CD72: variants seen among roughly 807,000 people sequenced by gnomAD.
CD72 encodes the protein CD72 molecule.
CD72 carries 28 observed loss-of-function variants against 50.7 expected under a neutral mutation model. The ratio of observed to expected loss-of-function variants is 0.55; its 90% CI spans 0.41 to 0.76. CD72 has a LOEUF of 0.76. Among genes scored for constraint, CD72 ranks in the 30% least tolerant of loss-of-function variants. The pLI is 0.00. For synonymous variants in CD72, 176 were observed against 171.2 expected (o/e 1.03, Z -0.22); for missense variants, 403 against 420.6 (o/e 0.96, Z 0.37).
intron 1 of CD72, among the ~76,000 whole-genome samples, chr9:35,631,723 T>A (rs1823248088): frequency 6.6e-6 from 1 of 151,994 alleles, no homozygotes; most frequent in Non-Finnish European, 1.5e-5. Flanking sequence ...TGAAACCCCG[T>A]CTCTACTAAA....
upstream of CD72, among the ~76,000 whole-genome samples, chr9:35,620,684 G>T (rs1049985877): frequency 1.4e-4 from 22 of 152,066 alleles, no homozygotes; most frequent in African/African-American, 5.3e-4. Flanking sequence ...TACAAAATTA[G>T]CTGAGAATGG....
chr9:35,631,300 C>T (rs1281422266), intron 1 of CD72, among the ~76,000 whole-genome samples: 1 of 152,030 alleles, frequency 6.6e-6, no homozygotes, highest in Non-Finnish European at 1.5e-5. Context: ...TTCAGATGAG[C>T]GTAACAATTC....
chr9:35,638,391 C>T (rs577866252), intron 1 of CD72, among the ~76,000 whole-genome samples: 3 of 152,240 alleles, frequency 2.0e-5, no homozygotes, highest in East Asian at 1.9e-4. Context: ...CGCTCCCCCA[C>T]CCTATAACCC....
At chr9:35,642,225 A>G (rs1036934224) in intron 1 of CD72, among the ~76,000 whole-genome samples, 11 of 152,192 alleles carry the variant, frequency 7.2e-5, no homozygotes, top group Non-Finnish European at 1.6e-4. Flanking sequence ...GTTGACAGTT[A>G]TGTTCTATCT....
intron 1 of CD72, among the ~76,000 whole-genome samples, chr9:35,641,884 T>C (rs1823343664): frequency 6.6e-6 from 1 of 152,210 alleles, no homozygotes; most frequent in Admixed American, 6.5e-5. Context: ...AGGTGTTTCC[T>C]TGGAAGTTAG....
At chr9:35,638,381 C>T (rs565313117) in intron 1 of CD72, among the ~76,000 whole-genome samples, 43 of 152,182 alleles carry the variant, frequency 2.8e-4, no homozygotes, top group Admixed American at 1.8e-3. Flanking sequence ...CTTCAGCCTC[C>T]GCTCCCCCAC....
chr9:35,624,869 G>C (rs1823181968), intron 1 of CD72, among the ~76,000 whole-genome samples: 1 of 152,134 alleles, frequency 6.6e-6, no homozygotes, highest in African/African-American at 2.4e-5. Flanking sequence ...TATTGTCATT[G>C]TTTTGGAGCA....
upstream of CD72, among the ~76,000 whole-genome samples, chr9:35,623,331 G>A (rs1189532741): frequency 6.8e-6 from 1 of 147,236 alleles, no homozygotes; most frequent in East Asian, 1.9e-4. Flanking sequence ...TTGGGAAACT[G>A]GACTCAGCAG....
intron 1 of CD72, among the ~76,000 whole-genome samples, chr9:35,629,791 G>A (rs540174611): frequency 1.1e-3 from 171 of 152,322 alleles, no homozygotes; most frequent in African/African-American, 3.8e-3. Context: ...TGCTACATGG[G>A]TATGCAAGCC....
At chr9:35,622,728 A>G (rs1243329538), upstream of CD72, among the ~76,000 whole-genome samples, 1 of 152,094 alleles carries the variant, frequency 6.6e-6, no homozygotes, top group Non-Finnish European at 1.5e-5. Flanking sequence ...CAGAGGTTGC[A>G]GTGAGCCAAG....
At chr9:35,612,389 A>G in intron 6 of CD72, among the ~76,000 whole-genome samples, 1 of 152,196 alleles carries the variant, frequency 6.6e-6, no homozygotes, top group East Asian at 1.9e-4. Flanking sequence ...GTTAGAGACC[A>G]GCCTGACCAA....
Position 35,634,144 on chromosome 9 carries a change from C to CT in CD72, n.408+12258dup, listed in dbSNP as rs1229785485. 9.9e-5 allele frequency among the ~76,000 whole-genome samples: 15 copies of CT among 151,722 alleles called. No individual in the cohort carries two copies. The East Asian group carries it at 2.9e-3, about 29-fold the overall frequency. On this transcript the variant is annotated intron_variant and non_coding_transcript_variant, in intron 1 of 3. Coordinates refer to the CD72 transcript ENST00000465754. ...TTTTTTTATATTGTTGTTAACTCTT[C>CT]TTTTTTTTAATCTTTGCTAGATTAA...
chr9:35,646,446 C>G (rs1344687479), exon 1 of CD72: 2 of 152,224 alleles, frequency 1.3e-5, no homozygotes, highest in Non-Finnish European at 2.9e-5. Context: ...ATTTGTGAGT[C>G]GATCAGCTAG....
chr9:35,637,665 G>A (rs2131788356), intron 1 of CD72, among the ~76,000 whole-genome samples: 1 of 152,320 alleles, frequency 6.6e-6, no homozygotes, highest in South Asian at 2.1e-4. Flanking sequence ...GACTCAGGAA[G>A]ACAGCCTTCC....
At chr9:35,629,705 A>G (rs1209573836) in intron 1 of CD72, among the ~76,000 whole-genome samples, 1 of 152,246 alleles carries the variant, frequency 6.6e-6, no homozygotes, top group Non-Finnish European at 1.5e-5. Flanking sequence ...AACCCAAGTC[A>G]GTCTCTGCCC....
At chr9:35,632,920 C>CAAAAAA (rs1823258866) in intron 1 of CD72, among the ~76,000 whole-genome samples, 2 of 146,834 alleles carry the variant, frequency 1.4e-5, no homozygotes, top group East Asian at 4.1e-4. Flanking sequence ...TTTATTTATC[C>CAAAAAA]TTTTTAGTTT....
intron 1 of CD72, among the ~76,000 whole-genome samples, chr9:35,634,362 T>C (rs1823271678): frequency 6.6e-6 from 1 of 152,204 alleles, no homozygotes; most frequent in Non-Finnish European, 1.5e-5. Flanking sequence ...GTAATCTTTT[T>C]TATTTTTGAG....
At chr9:35,616,964 G>A in intron 3 of CD72, 2 of 1,430,514 alleles carry the variant, frequency 1.4e-6, no homozygotes, top group Non-Finnish European at 1.8e-6. Context: ...AGGGGGGCAG[G>A]TAGGTGAATT....
chr9:35,623,532 T>C (rs2131775998), upstream of CD72, among the ~76,000 whole-genome samples: 1 of 152,320 alleles, frequency 6.6e-6, no homozygotes, highest in East Asian at 1.9e-4. Flanking sequence ...ATAGCCCTTT[T>C]TAAGCAGGCA....
Sources: allele counts gnomAD v4.1 joint callset (sites outside exome capture counted in the v4.1 genomes callset), GRCh38; gene constraint gnomAD v4.1.1; transcripts MANE v1.5; gene names NCBI Gene and HGNC (gene_info 2026-07-23, HGNC 2026-07-21).